ABCC9: variants seen among roughly 807,000 people sequenced by gnomAD.
The protein encoded by ABCC9 is ATP-binding cassette sub-family C member 9.
ABCC9 carries 95 observed loss-of-function variants against 188.3 expected under a neutral mutation model. The observed-to-expected ratio is 0.50, with a 90% CI of 0.43 to 0.60. ABCC9 has a LOEUF of 0.60. Among genes scored for constraint, ABCC9 ranks in the 20% least tolerant of loss-of-function variants. The pLI, the probability that ABCC9 is intolerant of heterozygous loss-of-function variation, is 0.00. For synonymous variants in ABCC9, 659 were observed against 652.7 expected (o/e 1.01, Z -0.15); for missense variants, 1,102 against 1,876.3 (o/e 0.59, Z 7.62).
intron 12 of ABCC9, among the ~76,000 whole-genome samples, chr12:21,896,518 TG>T (rs1159149877): frequency 6.6e-6 from 1 of 152,132 alleles, no homozygotes; most frequent in African/African-American, 2.4e-5. Context: ...TGTGCCATGG[TG>T]GTTTGCTACA....
chr12:21,895,298 T>G lies in ABCC9; in HGVS notation c.1636A>C (p.Ile546Leu). ...ACAGCAAGAACAGCTGCTATGGGAATTGCTGCATTCATGAAGACTGTGGAA... is the reference window on the plus strand; with the variant it reads ...ACAGCAAGAACAGCTGCTATGGGAAGTGCTGCATTCATGAAGACTGTGGAA... Reference protein sequence around the residue: ...TSLSIFMNAAIPIAAVLATFV... With the variant: ...TSLSIFMNAALPIAAVLATFV... The change falls in exon 13 of 40, where the codon ATT becomes CTT. Residue 546 changes from isoleucine (I) to leucine (L), a missense_variant. Physicochemically the swap from Ile to Leu is conservative, Grantham distance 5 (BLOSUM62 2). Around this residue, in one of 12 missense-constraint regions of ABCC9, gnomAD observed 258 missense variants for 325.6 expected, o/e 0.79. Coordinates refer to ENST00000261200, the MANE Select transcript of ABCC9 (RefSeq NM_020297.4). The G allele has an allele frequency of 9.9e-6, 16 of 1,613,826 alleles. No individual in the cohort carries two copies. The highest frequency in any genetic ancestry group is 1.4e-5 in the Non-Finnish European group (16 of 1,179,752).
intron 24 of ABCC9, 78 bp downstream of exon 24, chr12:21,852,019 A>G: frequency 6.5e-7 from 1 of 1,548,176 alleles, no homozygotes; most frequent in Non-Finnish European, 8.8e-7. Flanking sequence ...TAATTTTTTA[A>G]AAAGCATTCT....
chr12:21,921,335 C>T (rs989682383), intron 5 of ABCC9, among the ~76,000 whole-genome samples: 2 of 151,904 alleles, frequency 1.3e-5, no homozygotes, highest in African/African-American at 4.8e-5. Context: ...ATATTGAGCA[C>T]CTTTTAATAC....
intron 12 of ABCC9, among the ~76,000 whole-genome samples, chr12:21,898,745 T>C (rs567529630): frequency 6.6e-6 from 1 of 152,316 alleles, no homozygotes; most frequent in South Asian, 2.1e-4. Context: ...TAAAGTATAC[T>C]AACATAAACC....
At chr12:21,938,512 ATAGC>A (rs1350331005) in intron 2 of ABCC9, among the ~76,000 whole-genome samples, 4 of 152,170 alleles carry the variant, frequency 2.6e-5, no homozygotes, top group African/African-American at 9.6e-5. Context: ...CTAAAAACTA[ATAGC>A]TAGTAATGAA....
intron 7 of ABCC9, 54 bp from the exon 8 acceptor site, chr12:21,913,120 G>T: frequency 6.9e-7 from 1 of 1,445,874 alleles, no homozygotes; most frequent in Non-Finnish European, 9.5e-7. Context: ...AAACTGCTTA[G>T]AGCAGTAACT....
intron 32 of ABCC9, among the ~76,000 whole-genome samples, 159 bp from the exon 33 acceptor site, chr12:21,817,466 T>G (rs1942719361): frequency 6.6e-6 from 1 of 152,176 alleles, no homozygotes; most frequent in Non-Finnish European, 1.5e-5. Flanking sequence ...GAGAATGTCA[T>G]GCGATATATC....
chr12:21,828,855 G>T, intron 31 of ABCC9, 103 bp downstream of exon 31: 1 of 910,500 alleles, frequency 1.1e-6, no homozygotes, highest in Non-Finnish European at 1.8e-6. Context: ...TGTGAAGCTA[G>T]TGCCGAATCT....
At chr12:21,865,336 A>G (rs532634567) in intron 18 of ABCC9, among the ~76,000 whole-genome samples, 3 of 152,160 alleles carry the variant, frequency 2.0e-5, no homozygotes, top group Non-Finnish European at 4.4e-5. Flanking sequence ...TCACTACTGC[A>G]CACTGCTAAT....
intron 4 of ABCC9, 63 bp downstream of exon 4, chr12:21,933,719 A>G: frequency 6.3e-7 from 1 of 1,584,082 alleles, no homozygotes. Context: ...AAAGATGTGA[A>G]CTTGTGTAAT....
intron 5 of ABCC9, among the ~76,000 whole-genome samples, chr12:21,920,046 A>C (rs774004079): frequency 3.3e-5 from 5 of 152,048 alleles, no homozygotes; most frequent in Admixed American, 6.6e-5. Flanking sequence ...CCCATTCAAG[A>C]CTTTAATAAC....
intron 6 of ABCC9, among the ~76,000 whole-genome samples, chr12:21,916,690 A>G (rs1016518127): frequency 2.6e-4 from 39 of 152,204 alleles, no homozygotes; most frequent in African/African-American, 9.2e-4. Context: ...ACTGAGCATA[A>G]TATCTGACAC....
At chr12:21,911,121 A>G in intron 8 of ABCC9, 143 bp from the exon 9 acceptor site, 1 of 770,568 alleles carries the variant, frequency 1.3e-6, no homozygotes, top group South Asian at 1.9e-5. Flanking sequence ...TACAATACAA[A>G]CCAGGTAAAT....
intron 18 of ABCC9, among the ~76,000 whole-genome samples, chr12:21,867,393 C>G (rs1945834490): frequency 6.6e-6 from 1 of 152,056 alleles, no homozygotes; most frequent in African/African-American, 2.4e-5. Flanking sequence ...TATAGAAAAT[C>G]CCCTTCTAGA....
At chr12:21,928,732 G>A (rs1233520232) in intron 4 of ABCC9, among the ~76,000 whole-genome samples, 1 of 152,140 alleles carries the variant, frequency 6.6e-6, no homozygotes, top group Non-Finnish European at 1.5e-5. Context: ...ATTAAGTTTT[G>A]TACTTATGGT....
At position 21,912,888 on chromosome 12, in the gene ABCC9, G is replaced by T. The variant is rs1262059763; in HGVS notation, c.995C>A (p.Thr332Lys). ...GGAACTTACTCCAGTTGTGTTATTTGTCCCATTCTGGGTTTCATTCACACG... is the reference window on the plus strand; with the variant it reads ...GGAACTTACTCCAGTTGTGTTATTTTTCCCATTCTGGGTTTCATTCACACG... ...VQRVNETQNG[T>K]NNTTGISETL... Residue 332 changes from threonine (T) to lysine (K), a missense_variant, in exon 8 of 40, where the codon ACA (threonine) becomes AAA (lysine). Physicochemically the swap from Thr to Lys is moderately conservative, Grantham distance 78. Transcript: ENST00000261200. The T allele has an allele frequency of 3.1e-6, 5 of 1,613,128 alleles. No individual in the cohort carries two copies. The highest frequency in any genetic ancestry group is 3.3e-5 in the Admixed American group (2 of 59,912).
At chr12:21,930,967 C>G (rs1412707869) in intron 4 of ABCC9, among the ~76,000 whole-genome samples, 1 of 152,066 alleles carries the variant, frequency 6.6e-6, no homozygotes, top group Admixed American at 6.6e-5. Context: ...TAAAACTGCT[C>G]TAGAAAAATT....
chr12:21,905,232 G>C (rs59273147), intron 12 of ABCC9, among the ~76,000 whole-genome samples: 11 of 151,990 alleles, frequency 7.2e-5, no homozygotes, highest in Non-Finnish European at 1.5e-4. Context: ...GAAAACACTT[G>C]GACCCCTCAC....
chr12:21,938,961 T>C lies in ABCC9; in HGVS notation c.-21+1749A>G, dbSNP rs866988310. Among the ~76,000 whole-genome samples the C allele has an allele frequency of 3.3e-5, 5 of 152,210 alleles. No homozygotes were observed. The South Asian group carries it at 8.3e-4, about 25-fold the overall frequency. On this transcript the variant is annotated intron_variant, in intron 2 of 39. Coordinates refer to ENST00000261200, the MANE Select transcript of ABCC9 (RefSeq NM_020297.4). ...AACTAATGAACTGTAAAAACACTTA[T>C]TGATGCTAACTACGTGCTAGTTACT...
Sources: allele counts gnomAD v4.1 joint callset (sites outside exome capture counted in the v4.1 genomes callset), GRCh38; gene constraint gnomAD v4.1.1; regional missense constraint gnomAD v4.1.1; transcripts MANE v1.5; gene names NCBI Gene and HGNC (gene_info 2026-07-23, HGNC 2026-07-21).